ABCC3: variants seen among roughly 807,000 people sequenced by gnomAD.
ABCC3 encodes ATP-binding cassette sub-family C member 3.
In ABCC3, 121 loss-of-function variants were observed where a neutral mutation model predicts 165.3. The observed-to-expected ratio is 0.73, with a 90% confidence interval of 0.63 to 0.85. The LOEUF is 0.85. ABCC3 is among the 40% of genes least tolerant of loss of function. ABCC3 has a pLI of 0.00. For synonymous variants in ABCC3, 733 were observed against 810.1 expected, an observed-to-expected ratio of 0.90 and a Z score of 1.62; for missense variants, 1,869 against 1,964.1, an observed-to-expected ratio of 0.95 and a Z score of 0.92.
rs1317490084 is a variant in ABCC3, at chr17:50,691,493, A to AT, written c.*297dup. On this transcript the variant is annotated 3_prime_UTR_variant, in exon 31 of 31. Coordinates refer to ENST00000285238, the MANE Select transcript of ABCC3 (RefSeq NM_003786.4). ...CACACTGCACTGTTTTCAAATAACG[A>AT]TTTTATGAAATGACCTCTGTCCTCC... 2 of 250,030 alleles carry AT rather than the reference A, an allele frequency of 8.0e-6. No individual in the cohort carries two copies. The highest frequency in any genetic ancestry group is 1.6e-5 in the Non-Finnish European group (2 of 127,080). The allele number at this position is 250,030 out of a possible 1,614,324, so 15.5% of individuals were successfully genotyped here. A position where few individuals can be genotyped will look rare whatever the true frequency, so the allele number is the denominator to read the frequency against.
At chr17:50,663,913 C>T in intron 9 of ABCC3, 37 bp from the exon 10 acceptor site, 1 of 1,614,220 alleles carries the variant, frequency 6.2e-7, no homozygotes, top group Non-Finnish European at 8.5e-7. Flanking sequence ...TTGCAAGAGG[C>T]TCGCAGCCAA....
chr17:50,671,124 C>T (rs986273924), intron 17 of ABCC3, among the ~76,000 whole-genome samples: 1 of 152,120 alleles, frequency 6.6e-6, no homozygotes, highest in South Asian at 2.1e-4. Context: ...AGTGTGATGG[C>T]GTGTGCCTGT....
At chr17:50,637,164 C>T (rs1383156616) in intron 1 of ABCC3, among the ~76,000 whole-genome samples, 1 of 152,116 alleles carries the variant, frequency 6.6e-6, no homozygotes. Context: ...AAACTGACCA[C>T]CCCCCTTCCC....
chr17:50,668,366 G>A, intron 13 of ABCC3, 64 bp from the exon 14 acceptor site: 3 of 1,432,502 alleles, frequency 2.1e-6, no homozygotes, highest in Non-Finnish European at 2.9e-6. Flanking sequence ...TGGGGATGGG[G>A]CGAGGGTAGG....
chr17:50,636,715 G>A (rs773286026), intron 1 of ABCC3, among the ~76,000 whole-genome samples: 6 of 152,236 alleles, frequency 3.9e-5, no homozygotes, highest in Admixed American at 3.9e-4. Context: ...AACCCTGAGA[G>A]CTTAGGACTC....
intron 1 of ABCC3, among the ~76,000 whole-genome samples, chr17:50,639,622 C>T (rs1196335205): frequency 6.6e-6 from 1 of 152,090 alleles, no homozygotes; most frequent in African/African-American, 2.4e-5. Flanking sequence ...CCTGGTATGC[C>T]ATTGCTGGGG....
rs745908923 is a variant in ABCC3, at chr17:50,665,220, T to G, written c.1406T>G (p.Val469Gly). The G allele has an allele frequency of 6.2e-7, 1 of 1,614,160 alleles. No homozygotes were observed. The highest frequency in any genetic ancestry group is 8.5e-7 in the Non-Finnish European group (1 of 1,179,996). Residue 469 changes from valine (V) to glycine (G), a missense_variant, in exon 11 of 31, where the codon GTG becomes GGG. By Grantham distance (109) the Val-to-Gly change is moderately radical. Coordinates refer to ENST00000285238, the MANE Select transcript of ABCC3 (RefSeq NM_003786.4). ...MVLLIPLNGA[V>G]AVKMRAFQVK... is the part of the protein sequence containing the mutation. ...TTGCTGATTCCACTCAACGGAGCTG[T>G]GGCCGTGAAGATGCGCGCCTTCCAG...
chr17:50,673,145 C>T lies in ABCC3; in HGVS notation c.2409+7C>T, dbSNP rs758120426. The T allele has an allele frequency of 6.2e-7, 1 of 1,613,430 alleles. No individual in the cohort carries two copies. Among genetic ancestry groups the T allele is most frequent in the South Asian group, 1.1e-5 (1 of 91,070 alleles). ...AGGCGTGCTGGCAGGCAAGGTGAGGCCTGCCAGAGGCTAAGGGGGCTAAGG... is the reference window on the plus strand; with the variant it reads ...AGGCGTGCTGGCAGGCAAGGTGAGGTCTGCCAGAGGCTAAGGGGGCTAAGG... On this transcript the variant is annotated splice_region_variant and intron_variant, in intron 18 of 30. Coordinates refer to ENST00000285238, the MANE Select transcript of ABCC3 (RefSeq NM_003786.4).
intron 5 of ABCC3, 43 bp downstream of exon 5, chr17:50,658,250 C>G: frequency 1.2e-6 from 2 of 1,613,766 alleles, no homozygotes; most frequent in Non-Finnish European, 1.7e-6. Flanking sequence ...CAGCTGAGTC[C>G]TCAGCCCAAC....
chr17:50,690,737 A>G (rs1968109500), intron 30 of ABCC3, among the ~76,000 whole-genome samples: 1 of 152,166 alleles, frequency 6.6e-6, no homozygotes, highest in Non-Finnish European at 1.5e-5. Flanking sequence ...AGCCGACACA[A>G]AGCAGATGGA....
chr17:50,677,069 ATGGGGTTTCACTATGT>A (rs1341672945), intron 23 of ABCC3, among the ~76,000 whole-genome samples: 2 of 152,156 alleles, frequency 1.3e-5, no homozygotes, highest in Non-Finnish European at 2.9e-5. Flanking sequence ...TTTAGTAGAG[ATGGGGTTTCACTATGT>A]TGGCCAGGCT....
Position 50,669,464 on chromosome 17 carries a change from C to G in ABCC3, c.2177C>G (p.Ala726Gly). ...AAGCGCTACCAGCAGACTCTGGAGG[C>G]CTGTGCCTTGCTAGCTGACCTGGAG... ...NPKRYQQTLE[A>G]CALLADLEML... The change falls in exon 17 of 31, where the codon GCC becomes GGC. Residue 726 changes from alanine to glycine, a missense_variant. Coordinates refer to ENST00000285238, the MANE Select transcript of ABCC3 (RefSeq NM_003786.4). 6.2e-7 allele frequency: 1 copy of G among 1,614,228 alleles called. No homozygotes were observed. Among genetic ancestry groups the G allele is most frequent in the Middle Eastern group, 1.6e-4 (1 of 6,062 alleles).
At chr17:50,689,392 G>T (rs1192858363) in intron 30 of ABCC3, among the ~76,000 whole-genome samples, 2 of 152,194 alleles carry the variant, frequency 1.3e-5, no homozygotes, top group African/African-American at 4.8e-5. Flanking sequence ...GCTGGAGGTC[G>T]AGGAGAGAGG....
intron 7 of ABCC3, among the ~76,000 whole-genome samples, chr17:50,660,653 A>G (rs1967357569): frequency 2.0e-5 from 3 of 152,092 alleles, no homozygotes; most frequent in African/African-American, 7.2e-5. Context: ...TGGAGCCAGC[A>G]CTGGGGAGGC....
rs1229231832 is a variant in ABCC3 at position 50,673,676 on chromosome 17, C to A, written c.2599+18C>A. On this transcript the variant is annotated intron_variant, in intron 19 of 30. Transcript: ENST00000285238. ...CTGGACCGGTATCTGCCATCCTGGG[C>A]CCTCTGATTCCCATGCCTTCCCAGC... 3 of 1,611,684 alleles carry A rather than the reference C, an allele frequency of 1.9e-6. No individual in the cohort carries two copies. The highest frequency in any genetic ancestry group is 2.5e-6 in the Non-Finnish European group (3 of 1,178,312).
chr17:50,663,773 C>A lies in ABCC3; in HGVS notation c.1091C>A (p.Ser364Ter), dbSNP rs762463467. Residue 364 changes from serine to a stop codon, truncating the protein, a stop_gained, in exon 9 of 31, where the codon TCG becomes TAG. Transcript: ENST00000285238. LOFTEE classifies it high-confidence loss of function. Reference protein sequence around the residue: ...GLMFLCSMMQSLILQHYYHYI... With the variant: ...GLMFLCSMMQ ...ATGTTCCTGTGCTCCATGATGCAGT[C>A]GCTGATCTTACAACACTATTACCAC... 7 of 1,614,164 alleles carry A rather than the reference C, an allele frequency of 4.3e-6. No individual in the cohort carries two copies. The East Asian group carries it at 1.6e-4, about 36-fold the overall frequency.
chr17:50,664,876 G>A (rs1275130965), intron 10 of ABCC3, among the ~76,000 whole-genome samples: 2 of 152,110 alleles, frequency 1.3e-5, no homozygotes. Context: ...AGGGAGGTGG[G>A]TGTGACTCTG....
In ABCC3 at chr17:50,687,702, C is replaced by T. The variant is rs763621949; in HGVS notation, c.4447C>T (p.Arg1483Trp). The change falls in exon 30 of 31, where the codon CGG (arginine) becomes TGG (tryptophan). Residue 1483 changes from arginine to tryptophan, a missense_variant. Arg to Trp is a moderately radical substitution (Grantham distance 101, BLOSUM62 -3). Transcript: ENST00000285238. Reference protein sequence around the residue: ...DTCTVLTIAHRLNTIMDYTRV... With the variant: ...DTCTVLTIAHWLNTIMDYTRV... ...CTGCACTGTCCTGACCATCGCACAC[C>T]GGCTTAACACTATCATGGACTACAC... 1.7e-5 allele frequency: 28 copies of T among 1,614,086 alleles called. No homozygotes were observed. Among genetic ancestry groups the T allele is most frequent in the Middle Eastern group, 1.6e-4 (1 of 6,084 alleles).
chr17:50,656,144 G>T (rs866407790), intron 2 of ABCC3, 136 bp downstream of exon 2: 1 of 723,850 alleles, frequency 1.4e-6, no homozygotes, highest in Non-Finnish European at 1.9e-6. Flanking sequence ...GGAGTGCAGT[G>T]GCATGATCTT....
Sources: allele counts gnomAD v4.1 joint callset (sites outside exome capture counted in the v4.1 genomes callset), GRCh38; gene constraint gnomAD v4.1.1; transcripts MANE v1.5; gene names NCBI Gene and HGNC (gene_info 2026-07-23, HGNC 2026-07-21).